POGLUT1: variants seen among roughly 807,000 people sequenced by gnomAD.
POGLUT1 encodes the protein protein O-glucosyltransferase 1, also known as 9630046K23Rik.
Under a neutral mutation model 61.3 loss-of-function variants are expected in POGLUT1, and 32 were observed. The observed-to-expected ratio is 0.52, with a 90% CI of 0.39 to 0.70. POGLUT1 has a LOEUF of 0.70. Ranked by LOEUF, POGLUT1 falls within the 30% of genes least tolerant of loss-of-function variation. The pLI is 0.00. For synonymous variants in POGLUT1, 158 were observed against 158.2 expected, an observed-to-expected ratio of 1.00 and a Z score of 0.01; for missense variants, 411 against 469.8, an observed-to-expected ratio of 0.87 and a Z score of 1.16.
intron 5 of POGLUT1, among the ~76,000 whole-genome samples, chr3:119,483,377 A>T (rs1015857657): frequency 6.6e-6 from 1 of 152,214 alleles, no homozygotes; most frequent in African/African-American, 2.4e-5. Context: ...TCGTGCATGA[A>T]TGGAAAGGCA....
In POGLUT1 at chr3:119,469,092, G is replaced by A. The variant is rs749739928; in HGVS notation, c.71G>A (p.Arg24His). The change falls in exon 1 of 11, where the codon CGC becomes CAC. Residue 24 changes from arginine to histidine, a missense_variant. By Grantham distance (29) the Arg-to-His change is conservative. Coordinates refer to ENST00000295588, the MANE Select transcript of POGLUT1 (RefSeq NM_152305.3). ...LLFLLPSAQGRQKESGSKWKV... is the reference protein window; with the variant it reads ...LLFLLPSAQGHQKESGSKWKV... ...TTCCTCCTGCCCTCAGCGCAGGGCCGCCAGAAGGAGTCAGGTGGGCTCCGG... is the reference window on the plus strand; with the variant it reads ...TTCCTCCTGCCCTCAGCGCAGGGCCACCAGAAGGAGTCAGGTGGGCTCCGG... 16 of 1,605,868 alleles carry A rather than the reference G, an allele frequency of 1.0e-5. No individual in the cohort carries two copies. In the Admixed American group the frequency reaches 2.0e-4, roughly 20 times the overall value.
intron 10 of POGLUT1, 71 bp from the exon 11 acceptor site, chr3:119,492,211 C>G: frequency 9.2e-7 from 1 of 1,081,618 alleles, no homozygotes; most frequent in East Asian, 2.5e-5. Flanking sequence ...ACAAGGTGAG[C>G]ACTCAAATGC....
At chr3:119,474,080 C>T (rs2081508341) in intron 3 of POGLUT1, among the ~76,000 whole-genome samples, 1 of 152,082 alleles carries the variant, frequency 6.6e-6, no homozygotes, top group Non-Finnish European at 1.5e-5. Context: ...ATGCTAGAGA[C>T]AAGTCATTTC....
chr3:119,487,173 CT>C (rs1409940987), intron 7 of POGLUT1: 2 of 499,872 alleles, frequency 4.0e-6, no homozygotes, highest in Non-Finnish European at 7.2e-6. Flanking sequence ...GGGTCACAAA[CT>C]TTTTCCAGGA....
At position 119,469,907 on chromosome 3, in the gene POGLUT1, A is replaced by C; in HGVS notation, c.173A>C (p.His58Pro). The C allele has an allele frequency of 6.4e-7, 1 of 1,562,152 alleles. No individual in the cohort carries two copies. The highest frequency in any genetic ancestry group is 8.8e-7 in the Non-Finnish European group (1 of 1,132,682). ...PCSSQNCSCY[H>P]GVIEEDLTPF... is the part of the protein sequence containing the mutation. Reference sequence around the variant, plus strand: ...TCAAGTCAAAACTGCAGCTGCTACCATGGGTGAGTTCTTTTCTTTGATGTG... The same window carrying C: ...TCAAGTCAAAACTGCAGCTGCTACCCTGGGTGAGTTCTTTTCTTTGATGTG... The change falls in exon 2 of 11, where the codon CAT (histidine) becomes CCT (proline). Residue 58 changes from histidine to proline, a missense_variant. By Grantham distance (77) the His-to-Pro change is moderately conservative. Coordinates refer to ENST00000295588, the MANE Select transcript of POGLUT1 (RefSeq NM_152305.3).
chr3:119,490,652 T>G lies in POGLUT1; in HGVS notation c.899T>G (p.Phe300Cys). ...CATGTTGGTGATGAGTGGCTAGAAT[T>G]CTTCTATCCACAGCTGAAGCCATGG... ...VFHVGDEWLE[F>C]FYPQLKPWVH... The change falls in exon 9 of 11, where the codon TTC (phenylalanine) becomes TGC (cysteine). Residue 300 changes from phenylalanine to cysteine, a missense_variant. By Grantham distance (205) the Phe-to-Cys change is radical (BLOSUM62 -2). Transcript: ENST00000295588. The G allele has an allele frequency of 6.2e-7, 1 of 1,613,548 alleles. No individual in the cohort carries two copies. Among genetic ancestry groups the G allele is most frequent in the Non-Finnish European group, 8.5e-7 (1 of 1,179,474 alleles).
intron 3 of POGLUT1, among the ~76,000 whole-genome samples, chr3:119,474,772 G>A (rs2081516604): frequency 6.6e-6 from 1 of 152,164 alleles, no homozygotes. Context: ...CCGGGAGGCG[G>A]AGGTTACAGT....
chr3:119,488,942 A>G lies in POGLUT1; in HGVS notation c.752A>G (p.Lys251Arg). 4 of 1,590,966 alleles carry G rather than the reference A, an allele frequency of 2.5e-6. No homozygotes were observed. In the South Asian group the frequency reaches 3.3e-5, roughly 13 times the overall value. The change falls in exon 8 of 11, where the codon AAG becomes AGG. Residue 251 changes from lysine (K) to arginine (R), a missense_variant. By Grantham distance (26) the Lys-to-Arg change is conservative. Coordinates refer to ENST00000295588, the MANE Select transcript of POGLUT1 (RefSeq NM_152305.3). Reference protein sequence around the residue: ...AWKSMKDTLGKPAAKDVHLVD... With the variant: ...AWKSMKDTLGRPAAKDVHLVD... ...TTCCACTTAAAGGATACCTTAGGAAAGCCAGCTGCTAAGGATGTCCATCTT... is the reference window on the plus strand; with the variant it reads ...TTCCACTTAAAGGATACCTTAGGAAGGCCAGCTGCTAAGGATGTCCATCTT...
At position 119,477,447 on chromosome 3, in the gene POGLUT1, A is replaced by G. The variant is rs1218825036; in HGVS notation, c.455A>G (p.Lys152Arg). The G allele has an allele frequency of 1.2e-6, 2 of 1,613,872 alleles. No homozygotes were observed. Among genetic ancestry groups the G allele is most frequent in the Non-Finnish European group, 8.5e-7 (1 of 1,179,894 alleles). Residue 152 changes from lysine (K) to arginine (R), a missense_variant and splice_region_variant, in exon 4 of 11, where the codon AAG (lysine) becomes AGG (arginine). Coordinates refer to ENST00000295588, the MANE Select transcript of POGLUT1 (RefSeq NM_152305.3). ...GCCATCCCAGTCTTCTCCTTCAGTAAGGTAAGTACAGGGAGAGCCACATGG... is the reference window on the plus strand; with the variant it reads ...GCCATCCCAGTCTTCTCCTTCAGTAGGGTAAGTACAGGGAGAGCCACATGG... ...EPAIPVFSFSKTSEYHDIMYP... is the reference protein window; with the variant it reads ...EPAIPVFSFSRTSEYHDIMYP...
chr3:119,479,919 G>T, intron 4 of POGLUT1, 132 bp from the exon 5 acceptor site: 1 of 1,537,838 alleles, frequency 6.5e-7, no homozygotes. Context: ...CTAGACTTTG[G>T]AAAATAGGGA....
chr3:119,469,297 G>T (rs1424774886), intron 1 of POGLUT1, 191 bp downstream of exon 1: 1 of 599,052 alleles, frequency 1.7e-6, no homozygotes, highest in African/African-American at 1.9e-5. Flanking sequence ...CTGGACCCTG[G>T]AGAGTAACCC....
Position 119,468,988 on chromosome 3 carries a change from C to T in POGLUT1, c.-34C>T, listed in dbSNP as rs1028973817. 1 of 1,579,624 alleles carries T rather than the reference C, an allele frequency of 6.3e-7. No individual in the cohort carries two copies. Among genetic ancestry groups the T allele is most frequent in the African/African-American group, 1.3e-5 (1 of 74,120 alleles). On this transcript the variant is annotated 5_prime_UTR_variant, in exon 1 of 11. Coordinates refer to ENST00000295588, the MANE Select transcript of POGLUT1 (RefSeq NM_152305.3). ...GTGCGGGGCCGCGCTTCCGCCAGCG[C>T]CGCAGCGGGGAATCTGCAGTAGGTC...
chr3:119,485,495 A>T, intron 6 of POGLUT1, 108 bp downstream of exon 6: 1 of 637,856 alleles, frequency 1.6e-6, no homozygotes, highest in Non-Finnish European at 2.7e-6. Context: ...AGCTAAGATA[A>T]CAAAGAAAGA....
Position 119,493,039 on chromosome 3 carries a change from T to C in POGLUT1, c.*601T>C, listed in dbSNP as rs528392442. On this transcript the variant is annotated 3_prime_UTR_variant, in exon 11 of 11. Coordinates refer to ENST00000295588, the MANE Select transcript of POGLUT1 (RefSeq NM_152305.3). The stretch of plus-strand genomic sequence containing the variant: ...TAAACTGTGTTACTCAGGAGGTTTC[T>C]ATAATGCCACATAGAAAGAGGCCAA... 1 of 152,420 alleles carries C rather than the reference T, an allele frequency of 6.6e-6. No individual in the cohort carries two copies. The highest frequency in any genetic ancestry group is 1.9e-4 in the East Asian group (1 of 5,174). 9.4% of individuals were successfully genotyped at this position (152,420 alleles called of 1,614,324 possible).
At chr3:119,492,192 A>C (rs1426846496) in intron 10 of POGLUT1, 90 bp from the exon 11 acceptor site, 2 of 912,874 alleles carry the variant, frequency 2.2e-6, no homozygotes, top group African/African-American at 3.4e-5. Flanking sequence ...ATGCTGAATA[A>C]TGCTTGGCAC....
At position 119,492,322 on chromosome 3, in the gene POGLUT1, A is replaced by C; in HGVS notation, c.1063A>C (p.Ile355Leu). The change falls in exon 11 of 11, where the codon ATC becomes CTC. Residue 355 changes from isoleucine (I) to leucine (L), a missense_variant. Ile to Leu is a conservative substitution (Grantham distance 5). Transcript: ENST00000295588. ...FIRNHLQMDD[I>L]TCYWENLLSE... Reference sequence around the variant, plus strand: ...TAGGAACCATTTGCAGATGGATGACATCACCTGTTACTGGGAGAACCTCTT... The same window carrying C: ...TAGGAACCATTTGCAGATGGATGACCTCACCTGTTACTGGGAGAACCTCTT... 6.2e-7 allele frequency: 1 copy of C among 1,610,858 alleles called. No individual in the cohort carries two copies.
At chr3:119,478,244 A>G in intron 4 of POGLUT1, 1 of 415,740 alleles carries the variant, frequency 2.4e-6, no homozygotes, top group Non-Finnish European at 4.8e-6. Context: ...GAAATTTGGG[A>G]AAAGGAACAC....
At chr3:119,470,021 T>C in intron 2 of POGLUT1, 111 bp downstream of exon 2, 3 of 703,354 alleles carry the variant, frequency 4.3e-6, no homozygotes, top group South Asian at 3.2e-5. Context: ...AGGATGTTTT[T>C]CTATTTCTGG....
chr3:119,479,568 G>A (rs1040300521), intron 4 of POGLUT1, among the ~76,000 whole-genome samples: 6 of 152,180 alleles, frequency 3.9e-5, no homozygotes, highest in African/African-American at 1.4e-4. Flanking sequence ...GGTGGAGTCA[G>A]AATCCAAACC....
Sources: allele counts gnomAD v4.1 joint callset (sites outside exome capture counted in the v4.1 genomes callset), GRCh38; gene constraint gnomAD v4.1.1; transcripts MANE v1.5; gene names NCBI Gene and HGNC (gene_info 2026-07-23, HGNC 2026-07-21).